VPS26C: variants seen among roughly 807,000 people sequenced by gnomAD.
VPS26C encodes the protein VPS26 endosomal protein sorting factor C, also known as vacuolar protein sorting-associated protein 26C.
In VPS26C, 19 loss-of-function variants were observed where a neutral mutation model predicts 30.6. The observed-to-expected ratio is 0.62, with a 90% CI of 0.43 to 0.91. VPS26C has a LOEUF of 0.91. Among genes scored for constraint, VPS26C ranks in the 40% least tolerant of loss-of-function variants. VPS26C has a pLI of 0.00. For missense variants in VPS26C, 318 were observed against 385.1 expected, an observed-to-expected ratio of 0.83 and a Z score of 1.46; for synonymous variants, 132 against 151.5, an observed-to-expected ratio of 0.87 and a Z score of 0.95.
Position 37,265,430 on chromosome 21 carries a change from G to A in VPS26C, c.57+1808C>T, listed in dbSNP as rs375706508. Among the ~76,000 whole-genome samples, 8 of 152,064 alleles carry A rather than the reference G, an allele frequency of 5.3e-5. No individual in the cohort carries two copies. The East Asian group carries it at 1.4e-3, about 26-fold the overall frequency. ...GCATAAACATATGTGCACAGTCTAC[G>A]GCTTGACACTTTGATCCTAAATACT... On this transcript the variant is annotated intron_variant, in intron 1 of 7. Transcript: ENST00000309117.
At chr21:37,225,774 G>A in intron 7 of VPS26C, 148 bp from the exon 8 acceptor site, 1 of 618,684 alleles carries the variant, frequency 1.6e-6, no homozygotes, top group Non-Finnish European at 2.8e-6. Flanking sequence ...GCGCCACCCT[G>A]ACCTTTCAGC....
intron 1 of VPS26C, among the ~76,000 whole-genome samples, chr21:37,265,972 C>A (rs2086356792): frequency 7.6e-6 from 1 of 131,848 alleles, no homozygotes; most frequent in African/African-American, 2.9e-5. Context: ...GGCTGGAGTG[C>A]AGTGGCACAA....
intron 1 of VPS26C, among the ~76,000 whole-genome samples, chr21:37,247,206 C>T (rs1333517620): frequency 6.6e-6 from 1 of 152,208 alleles, no homozygotes. Context: ...ATAAGAAGTA[C>T]ATTCACATCA....
rs1426632593 is a variant in VPS26C at position 37,224,839 on chromosome 21, C to G, written c.*705G>C. 3 of 152,212 alleles carry G rather than the reference C, an allele frequency of 2.0e-5. No individual in the cohort carries two copies. The highest frequency in any genetic ancestry group is 4.4e-5 in the Non-Finnish European group (3 of 68,134). 9.4% of individuals were successfully genotyped at this position (152,212 alleles called of 1,614,324 possible). A position where few individuals can be genotyped will look rare whatever the true frequency, so the allele number is the denominator to read the frequency against. On this transcript the variant is annotated 3_prime_UTR_variant, in exon 8 of 8. Coordinates refer to ENST00000309117, the MANE Select transcript of VPS26C (RefSeq NM_006052.2). ...TCTCTACTAAAAATACAAACATTAG[C>G]CGGGCACGGTGGCAGTCACCTGTAA...
intron 1 of VPS26C, among the ~76,000 whole-genome samples, chr21:37,258,975 T>A (rs2086276338): frequency 6.6e-6 from 1 of 152,226 alleles, no homozygotes; most frequent in South Asian, 2.1e-4. Flanking sequence ...AGGTTATGAT[T>A]TAACAGACAA....
intron 1 of VPS26C, chr21:37,261,508 C>T (rs2086303345): frequency 6.6e-6 from 1 of 151,952 alleles, no homozygotes; most frequent in Admixed American, 6.6e-5. Context: ...ATCTCACTTT[C>T]TTGTTAGTTA....
chr21:37,264,451 T>A (rs2086338385), intron 1 of VPS26C, among the ~76,000 whole-genome samples: 1 of 152,244 alleles, frequency 6.6e-6, no homozygotes, highest in Admixed American at 6.5e-5. Flanking sequence ...ACTGCTTGTG[T>A]CTTTTCTAAT....
chr21:37,261,504 C>G (rs1473461371), intron 1 of VPS26C: 1 of 152,010 alleles, frequency 6.6e-6, no homozygotes, highest in African/African-American at 2.4e-5. Flanking sequence ...CACAATCTCA[C>G]TTTCTTGTTA....
chr21:37,231,032 C>T (rs938002663), intron 5 of VPS26C, among the ~76,000 whole-genome samples: 7 of 152,186 alleles, frequency 4.6e-5, no homozygotes, highest in African/African-American at 9.7e-5. Context: ...ACCCCGGCCA[C>T]GTGCCACACC....
At chr21:37,243,886 G>A (rs543600970) in intron 1 of VPS26C, among the ~76,000 whole-genome samples, 16 of 152,330 alleles carry the variant, frequency 1.1e-4, no homozygotes, top group East Asian at 3.9e-4. Flanking sequence ...ACAGGGGAAC[G>A]GAGTTCATAT....
intron 5 of VPS26C, chr21:37,230,394 G>A (rs960666025): frequency 6.6e-6 from 1 of 152,172 alleles, no homozygotes; most frequent in African/African-American, 2.4e-5. Context: ...CTCCAGCCTA[G>A]TAGTTCCTGT....
At chr21:37,262,729 G>A (rs1009078081) in intron 1 of VPS26C, among the ~76,000 whole-genome samples, 3 of 151,936 alleles carry the variant, frequency 2.0e-5, no homozygotes, top group African/African-American at 7.3e-5. Context: ...AGAGTAAGGA[G>A]ACTTCACTTT....
chr21:37,259,585 A>C (rs1309468512), intron 1 of VPS26C, among the ~76,000 whole-genome samples: 1 of 152,226 alleles, frequency 6.6e-6, no homozygotes, highest in Non-Finnish European at 1.5e-5. Context: ...GCTCCCCTAC[A>C]GCGTTCCAAG....
intron 3 of VPS26C, among the ~76,000 whole-genome samples, chr21:37,236,939 A>T (rs979088291): frequency 1.3e-5 from 2 of 152,136 alleles, no homozygotes; most frequent in South Asian, 4.2e-4. Context: ...GAAGCACACA[A>T]GCTTTTTGTT....
Position 37,225,644 on chromosome 21 carries a change from GGT to G in VPS26C, c.812-20_812-19del, listed in dbSNP as rs1194990864. On this transcript the variant is annotated intron_variant, in intron 7 of 7. Transcript: ENST00000309117. ...CTCAAATTCTGAGAAGAGAAGAGAG[GGT>G]GGGTTTGTGCTCACTGTTACCAAGC... 2 of 1,606,908 alleles carry G rather than the reference GGT, an allele frequency of 1.2e-6. No homozygotes were observed. Among genetic ancestry groups the G allele is most frequent in the Admixed American group, 3.3e-5 (2 of 59,980 alleles).
rs1386598415 is a variant in VPS26C at position 37,250,691 on chromosome 21, G to A, written c.58-10052C>T. Among the ~76,000 whole-genome samples the A allele has an allele frequency of 2.6e-5, 4 of 151,996 alleles. No individual in the cohort carries two copies. The East Asian group carries it at 7.7e-4, about 29-fold the overall frequency. ...CCGAGGTGGGTGGATCAGGAGGTGA[G>A]GAGTTCAAGACCAGCCTGGCCAAGA... On this transcript the variant is annotated intron_variant, in intron 1 of 7. Coordinates refer to ENST00000309117, the MANE Select transcript of VPS26C (RefSeq NM_006052.2).
rs750534462 is a variant in VPS26C, at chr21:37,228,276, G to A, written c.605C>T (p.Ser202Leu). 2.5e-6 allele frequency: 4 copies of A among 1,613,952 alleles called. No homozygotes were observed. Among genetic ancestry groups the A allele is most frequent in the African/African-American group, 2.7e-5 (2 of 74,940 alleles). The change falls in exon 6 of 8, where the codon TCG (serine) becomes TTG (leucine). Residue 202 changes from serine to leucine, a missense_variant. Ser to Leu is a moderately radical substitution (Grantham distance 145). Transcript: ENST00000309117. The stretch of plus-strand genomic sequence containing the variant: ...CTCCACGCTTCTGATGGCGGCTTCC[G>A]AGCTCTCCACCACCAGCTCTCCCGT... The part of the protein sequence containing the change: ...PLTGELVVES[S>L]EAAIRSVELQ...
intron 1 of VPS26C, among the ~76,000 whole-genome samples, chr21:37,245,512 AC>A (rs971986891): frequency 2.0e-5 from 3 of 152,046 alleles, no homozygotes; most frequent in African/African-American, 7.2e-5. Context: ...TTGAAACTGT[AC>A]TACTCCCTCC....
chr21:37,235,879 A>ATTTT (rs1248919097), intron 3 of VPS26C, among the ~76,000 whole-genome samples: 41 of 111,282 alleles, frequency 3.7e-4, no homozygotes, highest in South Asian at 8.0e-4. Context: ...ATATATATAT[A>ATTTT]TTTTTTTTTT....
Sources: allele counts gnomAD v4.1 joint callset (sites outside exome capture counted in the v4.1 genomes callset), GRCh38; gene constraint gnomAD v4.1.1; transcripts MANE v1.5; gene names NCBI Gene and HGNC (gene_info 2026-07-23, HGNC 2026-07-21).